GABRB1: variants seen among roughly 807,000 people sequenced by gnomAD.
GABRB1 encodes gamma-aminobutyric acid receptor subunit beta-1.
GABRB1 carries 17 observed loss-of-function variants against 51.6 expected under a neutral mutation model. That is an observed-to-expected ratio of 0.33 (90% CI 0.23 to 0.49). The LOEUF is 0.49. Among genes scored for constraint, GABRB1 ranks in the 20% least tolerant of loss-of-function variants. The pLI is 0.99. For missense variants in GABRB1, 410 were observed against 600.6 expected (o/e 0.68, Z 3.32); for synonymous variants, 247 against 218.9 (o/e 1.13, Z -1.14).
At position 47,161,500 on chromosome 4, in the gene GABRB1, T is replaced by A. The variant is rs1435143449; in HGVS notation, c.461+31T>A. 1.9e-6 allele frequency: 3 copies of A among 1,562,872 alleles called. No individual in the cohort carries two copies. In the African/African-American group the frequency reaches 4.1e-5, roughly 21 times the overall value. On this transcript the variant is annotated intron_variant, in intron 4 of 8. Transcript: ENST00000295454. ...TGGCTTTATGTTGCATGTTTTAATG[T>A]TGTTGTTGTTTTGTTTCATTTTAAA... is the stretch of plus-strand genomic sequence containing the variant.
At chr4:47,279,971 A>G (rs549250803) in intron 4 of GABRB1, among the ~76,000 whole-genome samples, 1 of 151,826 alleles carries the variant, frequency 6.6e-6, no homozygotes, top group East Asian at 1.9e-4. Flanking sequence ...GGGTTGGAGA[A>G]TTCCATCTAT....
intron 8 of GABRB1, among the ~76,000 whole-genome samples, chr4:47,414,395 GA>G (rs1177678034): frequency 3.9e-5 from 6 of 152,324 alleles, no homozygotes; most frequent in African/African-American, 1.4e-4. Context: ...TTGAAGCAGG[GA>G]AAGGTCTTCC....
chr4:47,146,547 C>T (rs947347994), intron 3 of GABRB1, among the ~76,000 whole-genome samples: 2 of 151,976 alleles, frequency 1.3e-5, no homozygotes, highest in African/African-American at 4.8e-5. Flanking sequence ...AATTCCAGGC[C>T]ACTCTCAAAT....
chr4:47,091,171 G>A (rs1019533619), intron 3 of GABRB1, among the ~76,000 whole-genome samples: 4 of 151,834 alleles, frequency 2.6e-5, no homozygotes, highest in East Asian at 1.9e-4. Flanking sequence ...GCTAAACATC[G>A]TACACAGGAC....
chr4:47,304,222 G>A (rs1407526083), intron 4 of GABRB1, among the ~76,000 whole-genome samples: 1 of 151,854 alleles, frequency 6.6e-6, no homozygotes, highest in African/African-American at 2.4e-5. Context: ...CTTCCATCCT[G>A]GTTCCATAAT....
At chr4:47,153,231 CA>C (rs1464551868) in intron 3 of GABRB1, among the ~76,000 whole-genome samples, 2 of 151,982 alleles carry the variant, frequency 1.3e-5, no homozygotes, top group Admixed American at 6.6e-5. Flanking sequence ...ATATAGTAAA[CA>C]ACCATTAAAA....
At chr4:47,105,304 T>A (rs1714913338) in intron 3 of GABRB1, among the ~76,000 whole-genome samples, 1 of 152,030 alleles carries the variant, frequency 6.6e-6, no homozygotes, top group Admixed American at 6.6e-5. Context: ...AGAATCAATC[T>A]CTCTTTTATC....
At chr4:47,249,257 A>G (rs1010814685) in intron 4 of GABRB1, among the ~76,000 whole-genome samples, 17 of 152,064 alleles carry the variant, frequency 1.1e-4, no homozygotes, top group Non-Finnish European at 1.3e-4. Flanking sequence ...TCTTGATTTC[A>G]TTTTTGATCC....
intron 4 of GABRB1, among the ~76,000 whole-genome samples, chr4:47,186,758 T>C (rs917949230): frequency 2.6e-5 from 4 of 151,888 alleles, no homozygotes; most frequent in East Asian, 1.9e-4. Flanking sequence ...AATTTCATGA[T>C]AGTAGGCTCC....
intron 8 of GABRB1, among the ~76,000 whole-genome samples, chr4:47,413,352 G>A (rs975375049): frequency 3.3e-5 from 5 of 152,086 alleles, no homozygotes; most frequent in African/African-American, 1.2e-4. Flanking sequence ...CTTAGGTTTG[G>A]TAGTTCCTAA....
rs1725014897 is a variant in GABRB1 at position 47,024,158 on chromosome 4, G to C, written c.-19-7756G>C. On this transcript the variant is annotated intron_variant, in intron 1 of 3. Coordinates refer to the GABRB1 transcript ENST00000513567. ...TCTCCTAGTAGTTTGTTCTTTCCTA[G>C]TAGTTTGTTCTTCTTGTTGTGTACT... 2.0e-5 allele frequency among the ~76,000 whole-genome samples: 3 copies of C among 151,750 alleles called. No individual in the cohort carries two copies. In the South Asian group the frequency reaches 6.2e-4, roughly 31 times the overall value.
intron 4 of GABRB1, among the ~76,000 whole-genome samples, chr4:47,295,371 A>C (rs892274443): frequency 1.3e-5 from 2 of 152,196 alleles, no homozygotes; most frequent in Admixed American, 6.5e-5. Flanking sequence ...AAAAATTTAG[A>C]CGAATGAATA....
At chr4:47,218,514 G>T (rs1720644417) in intron 4 of GABRB1, among the ~76,000 whole-genome samples, 1 of 151,558 alleles carries the variant, frequency 6.6e-6, no homozygotes, top group African/African-American at 2.4e-5. Flanking sequence ...TTGTCTTTTT[G>T]ATTATAGCCA....
chr4:47,350,206 T>TAGAGAGAG (rs1289991962), intron 5 of GABRB1, among the ~76,000 whole-genome samples: 2 of 93,616 alleles, frequency 2.1e-5, no homozygotes, highest in East Asian at 4.1e-4. Context: ...TATATATATA[T>TAGAGAGAG]ATATATATAT....
chr4:47,059,054 TG>T (rs1726738917), intron 3 of GABRB1, among the ~76,000 whole-genome samples: 1 of 152,214 alleles, frequency 6.6e-6, no homozygotes, highest in African/African-American at 2.4e-5. Context: ...TAATTTATCA[TG>T]GAGAAAACTT....
intron 4 of GABRB1, among the ~76,000 whole-genome samples, chr4:47,289,430 A>T (rs998841002): frequency 2.0e-5 from 3 of 152,172 alleles, no homozygotes; most frequent in African/African-American, 7.2e-5. Flanking sequence ...GGTGGGGAAG[A>T]TTTTTCATAG....
At chr4:47,253,510 A>T (rs1389461630) in intron 4 of GABRB1, among the ~76,000 whole-genome samples, 1 of 152,018 alleles carries the variant, frequency 6.6e-6, no homozygotes, top group East Asian at 1.9e-4. Context: ...TTGTAATGCA[A>T]TTTCTCTCTT....
chr4:47,248,270 A>C (rs1187953933), intron 4 of GABRB1, among the ~76,000 whole-genome samples: 1 of 152,112 alleles, frequency 6.6e-6, no homozygotes, highest in Non-Finnish European at 1.5e-5. Context: ...GCATCTATTG[A>C]GATGATCATG....
At chr4:47,080,519 T>C (rs1443309817) in intron 3 of GABRB1, among the ~76,000 whole-genome samples, 1 of 152,228 alleles carries the variant, frequency 6.6e-6, no homozygotes, top group East Asian at 1.9e-4. Flanking sequence ...CACATTAGCA[T>C]GGTCGTCCAT....
Sources: allele counts gnomAD v4.1 joint callset (sites outside exome capture counted in the v4.1 genomes callset), GRCh38; gene constraint gnomAD v4.1.1; transcripts MANE v1.5; gene names NCBI Gene and HGNC (gene_info 2026-07-23, HGNC 2026-07-21).